CHD6: variants seen among roughly 807,000 people sequenced by gnomAD.
The protein encoded by CHD6 is chromodomain helicase DNA binding protein 6.
Under a neutral mutation model 276.9 loss-of-function variants are expected in CHD6, and 50 were observed. That is an observed-to-expected ratio of 0.18 (90% CI 0.14 to 0.23). The LOEUF is 0.23. Among genes scored for constraint, CHD6 ranks in the 10% least tolerant of loss-of-function variants. The pLI is 1.00. For synonymous variants in CHD6, 1,173 were observed against 1,229.3 expected (o/e 0.95, Z 0.96); for missense variants, 2,564 against 3,365.8 (o/e 0.76, Z 5.89).
intron 4 of CHD6, among the ~76,000 whole-genome samples, chr20:41,514,463 C>T (rs1220062262): frequency 1.3e-5 from 2 of 152,158 alleles, no homozygotes; most frequent in Non-Finnish European, 2.9e-5. Flanking sequence ...TACGGGCTGG[C>T]CTGGCACTCT....
At chr20:41,423,412 T>C (rs1003571133) in intron 30 of CHD6, 80 bp downstream of exon 30, 5 of 1,349,076 alleles carry the variant, frequency 3.7e-6, no homozygotes, top group Non-Finnish European at 5.3e-6. Flanking sequence ...TTTATAGGTA[T>C]ACCTAAAGTA....
At chr20:41,507,316 A>T (rs2043999781) in intron 5 of CHD6, among the ~76,000 whole-genome samples, 1 of 152,192 alleles carries the variant, frequency 6.6e-6, no homozygotes. Flanking sequence ...ATACTAAAAG[A>T]AGTCAGGGTT....
At chr20:41,608,383 T>C (rs1244744600) in intron 1 of CHD6, among the ~76,000 whole-genome samples, 1 of 152,226 alleles carries the variant, frequency 6.6e-6, no homozygotes, top group Non-Finnish European at 1.5e-5. Context: ...CTTACTAATT[T>C]AAGACATGTA....
At chr20:41,472,009 G>C (rs529928879) in intron 17 of CHD6, among the ~76,000 whole-genome samples, 2 of 151,916 alleles carry the variant, frequency 1.3e-5, no homozygotes, top group Non-Finnish European at 2.9e-5. Context: ...CGAGGCGGGC[G>C]GATCACCTGA....
At chr20:41,502,386 T>C (rs1043110142) in intron 5 of CHD6, among the ~76,000 whole-genome samples, 1 of 152,240 alleles carries the variant, frequency 6.6e-6, no homozygotes, top group African/African-American at 2.4e-5. Flanking sequence ...TGGTATTTTA[T>C]ATTTATAGCA....
At chr20:41,532,953 G>A (rs1402308070) in intron 3 of CHD6, 97 bp downstream of exon 3, 1 of 1,354,600 alleles carries the variant, frequency 7.4e-7, no homozygotes, top group Non-Finnish European at 9.9e-7. Context: ...CCACAGGAGT[G>A]CAGCAGGGTT....
At chr20:41,586,825 TTCC>T (rs2045600515) in intron 1 of CHD6, among the ~76,000 whole-genome samples, 1 of 152,222 alleles carries the variant, frequency 6.6e-6, no homozygotes, top group South Asian at 2.1e-4. Context: ...AAAAGGTAAC[TTCC>T]TCAACTTGAT....
At chr20:41,614,130 C>G (rs1011776503) in intron 1 of CHD6, among the ~76,000 whole-genome samples, 5 of 152,000 alleles carry the variant, frequency 3.3e-5, no homozygotes, top group African/African-American at 1.2e-4. Flanking sequence ...AAAATGCGAT[C>G]AGCGACTATC....
rs2048272335 is a variant in CHD6, at chr20:41,452,621, C to T, written c.3323+119G>A. ...CAGTTCTCTCTTGCTCCAACAGATC[C>T]CCCTTTGCCCTATAATTCCAAAGGT... On this transcript the variant is annotated intron_variant, in intron 21 of 36. Coordinates refer to ENST00000373233, the MANE Select transcript of CHD6 (RefSeq NM_032221.5). The surrounding 1 kb of genome is among the most constrained non-coding windows in gnomAD (Gnocchi z 4.2). The T allele has an allele frequency of 1.2e-6, 1 of 860,624 alleles. No individual in the cohort carries two copies. The highest frequency in any genetic ancestry group is 2.3e-5 in the Admixed American group (1 of 42,972). The allele number at this position is 860,624 out of a possible 1,614,324, so 53.3% of individuals were successfully genotyped here.
intron 3 of CHD6, among the ~76,000 whole-genome samples, chr20:41,525,550 G>A (rs2044510872): frequency 6.6e-6 from 1 of 152,192 alleles, no homozygotes; most frequent in Non-Finnish European, 1.5e-5. Flanking sequence ...CAGAAATTCA[G>A]TAATAGCTCT....
In CHD6 at chr20:41,452,763, T is replaced by G. The variant is rs971640871; in HGVS notation, c.3300A>C (p.Val1100=). The part of the protein sequence containing the change: ...RRYLRAECFR[V]EKNLLIFGWG... The stretch of plus-strand genomic sequence containing the variant: ...ACCCAAAGATGAGCAGGTTCTTCTC[T>G]ACCCGGAAGCACTCCGCTCGGAGGT... Residue 1100 remains valine, a synonymous_variant, in exon 21 of 37, where the codon GTA becomes GTC. Transcript: ENST00000373233. The surrounding 1 kb of genome is among the most constrained non-coding windows in gnomAD (Gnocchi z 4.2). The G allele has an allele frequency of 6.2e-7, 1 of 1,612,406 alleles. No individual in the cohort carries two copies. The highest frequency in any genetic ancestry group is 1.3e-5 in the African/African-American group (1 of 74,388).
chr20:41,554,423 G>C (rs1225902258), intron 1 of CHD6, among the ~76,000 whole-genome samples: 4 of 151,170 alleles, frequency 2.6e-5, no homozygotes, highest in Non-Finnish European at 5.9e-5. Flanking sequence ...GATCATTCTT[G>C]GGTGTTTCTC....
chr20:41,617,187 C>G (rs1347938479), intron 1 of CHD6, among the ~76,000 whole-genome samples: 1 of 152,174 alleles, frequency 6.6e-6, no homozygotes, highest in Non-Finnish European at 1.5e-5. Context: ...GGCACACACA[C>G]AGCCCCAGAG....
intron 22 of CHD6, 45 bp from the exon 23 acceptor site, chr20:41,451,150 G>A (rs1300344720): frequency 1.3e-6 from 2 of 1,564,284 alleles, no homozygotes. Context: ...GCCAAGGGGG[G>A]TGTTACACAC....
intron 26 of CHD6, among the ~76,000 whole-genome samples, chr20:41,439,020 T>C (rs2047810080): frequency 6.6e-6 from 1 of 152,196 alleles, no homozygotes; most frequent in Non-Finnish European, 1.5e-5. Context: ...AAGCAGTATC[T>C]GCTACTTTTG....
chr20:41,559,257 T>A (rs547127729), intron 1 of CHD6, among the ~76,000 whole-genome samples: 4 of 152,200 alleles, frequency 2.6e-5, no homozygotes, highest in African/African-American at 9.6e-5. Context: ...GCAATAAGCA[T>A]TCTTTGAATG....
At chr20:41,569,316 C>T (rs1380479600) in intron 1 of CHD6, among the ~76,000 whole-genome samples, 2 of 152,158 alleles carry the variant, frequency 1.3e-5, no homozygotes, top group Non-Finnish European at 2.9e-5. Context: ...AATCTGTTAA[C>T]ACCATCTACA....
At chr20:41,520,064 G>T (rs1182196904) in intron 3 of CHD6, among the ~76,000 whole-genome samples, 1 of 152,138 alleles carries the variant, frequency 6.6e-6, no homozygotes. Flanking sequence ...AAAGACACAT[G>T]AAAAAATGCT....
Position 41,447,891 on chromosome 20 carries a change from G to T in CHD6, c.3764C>A (p.Ser1255Tyr). ...GTTTCATTTGCTTTACCTGGCAGGAGATCCTTCAAATGCTTTCTCAGCTGC... is the reference window on the plus strand; with the variant it reads ...GTTTCATTTGCTTTACCTGGCAGGATATCCTTCAAATGCTTTCTCAGCTGC... ...GEAAEKAFEG[S>Y]PARELDVPLP... The change falls in exon 24 of 37, where the codon TCT becomes TAT. Residue 1255 changes from serine (S) to tyrosine (Y), a missense_variant. Ser to Tyr is a moderately radical substitution (Grantham distance 144). This residue lies in a region of CHD6 where 515 missense variants were observed against 739.5 expected (regional missense o/e 0.70). Transcript: ENST00000373233. The T allele has an allele frequency of 6.2e-7, 1 of 1,607,300 alleles. No individual in the cohort carries two copies. The highest frequency in any genetic ancestry group is 2.2e-5 in the East Asian group (1 of 44,700).
Sources: allele counts gnomAD v4.1 joint callset (sites outside exome capture counted in the v4.1 genomes callset), GRCh38; gene constraint gnomAD v4.1.1; regional missense constraint gnomAD v4.1.1; non-coding constraint Gnocchi (gnomAD v3.1); transcripts MANE v1.5; gene names NCBI Gene and HGNC (gene_info 2026-07-23, HGNC 2026-07-21).